TMEM135: variants seen among roughly 807,000 people sequenced by gnomAD.
The protein encoded by TMEM135 is transmembrane protein 135, also known as peroxisomal membrane protein 52.
TMEM135 carries 30 observed loss-of-function variants against 60.3 expected under a neutral mutation model. That is an observed-to-expected ratio of 0.50 (90% confidence interval 0.37 to 0.68). TMEM135 has a LOEUF of 0.68. Ranked by LOEUF, TMEM135 falls within the 30% of genes least tolerant of loss-of-function variation. The probability of loss-of-function intolerance (pLI) is 0.00; values close to 1 mark genes in which losing one functional copy is unlikely to be tolerated. For synonymous variants in TMEM135, 190 were observed against 186.7 expected (o/e 1.02, Z -0.14); for missense variants, 468 against 548.8 (o/e 0.85, Z 1.47).
intron 3 of TMEM135, among the ~76,000 whole-genome samples, chr11:87,088,329 C>T (rs1001784102): frequency 1.3e-5 from 2 of 152,148 alleles, no homozygotes; most frequent in Admixed American, 6.5e-5. Context: ...CCAGTCTCTC[C>T]AGTTGTGTCT....
At chr11:87,177,072 T>C (rs1487196158) in intron 5 of TMEM135, among the ~76,000 whole-genome samples, 1 of 152,164 alleles carries the variant, frequency 6.6e-6, no homozygotes, top group African/African-American at 2.4e-5. Context: ...GAACATTTAA[T>C]AGGCAGAATC....
intron 5 of TMEM135, among the ~76,000 whole-genome samples, chr11:87,158,282 T>C (rs1748889881): frequency 6.6e-6 from 1 of 152,104 alleles, no homozygotes; most frequent in South Asian, 2.1e-4. Context: ...ATATTTATAA[T>C]TCAGAAACCT....
chr11:87,324,130 G>C lies in TMEM135; in HGVS notation c.*2797G>C, dbSNP rs1033803152. On this transcript the variant is annotated 3_prime_UTR_variant, in exon 15 of 15. Coordinates refer to ENST00000305494, the MANE Select transcript of TMEM135 (RefSeq NM_022918.4). ...TCGAGTGTTCGTCTCCTTGTAGATT[G>C]TATCTAGGCTAACATTTCATTTAGT... 14 of 453,920 alleles carry C rather than the reference G, an allele frequency of 3.1e-5. No individual in the cohort carries two copies. The highest frequency in any genetic ancestry group is 5.7e-5 in the Non-Finnish European group (13 of 226,770). 28.1% of individuals were successfully genotyped at this position (453,920 alleles called of 1,614,324 possible).
At chr11:87,226,548 C>T (rs1257243582) in intron 5 of TMEM135, among the ~76,000 whole-genome samples, 1 of 152,096 alleles carries the variant, frequency 6.6e-6, no homozygotes, top group Non-Finnish European at 1.5e-5. Flanking sequence ...ATATTACTTA[C>T]TGAGTATTGA....
chr11:87,292,073 T>C (rs1942275626), intron 6 of TMEM135, among the ~76,000 whole-genome samples: 1 of 152,198 alleles, frequency 6.6e-6, no homozygotes, highest in South Asian at 2.1e-4. Context: ...TCATGGGCTG[T>C]ATACTTGATT....
At chr11:87,249,048 A>G (rs1941357471) in intron 6 of TMEM135, among the ~76,000 whole-genome samples, 3 of 152,304 alleles carry the variant, frequency 2.0e-5, no homozygotes, top group South Asian at 2.1e-4. Flanking sequence ...AAAGAAGGAT[A>G]ATTTAACTTC....
chr11:87,239,908 T>C (rs889316317), intron 6 of TMEM135, among the ~76,000 whole-genome samples: 1 of 152,150 alleles, frequency 6.6e-6, no homozygotes, highest in Non-Finnish European at 1.5e-5. Flanking sequence ...TGAAATAACT[T>C]CCTTTTACAT....
Position 87,096,033 on chromosome 11 carries a change from C to T in TMEM135, c.396+4638C>T, listed in dbSNP as rs552028748. Reference sequence around the variant, plus strand: ...AATTTGGGATACTTTCTTGTGTCTGCCAACTGTTGAGTCTCCATATTGCCT... The same window carrying T: ...AATTTGGGATACTTTCTTGTGTCTGTCAACTGTTGAGTCTCCATATTGCCT... On this transcript the variant is annotated intron_variant, in intron 4 of 14. Transcript: ENST00000305494. 2.3e-4 allele frequency: 51 copies of T among 218,680 alleles called. 1 individual carries two copies. The South Asian group carries it at 3.9e-3, about 17-fold the overall frequency. The allele number at this position is 218,680 out of a possible 1,614,324, so 13.5% of individuals were successfully genotyped here.
intron 3 of TMEM135, among the ~76,000 whole-genome samples, chr11:87,090,502 A>C (rs1445180499): frequency 2.0e-5 from 3 of 152,126 alleles, no homozygotes; most frequent in Admixed American, 1.3e-4. Flanking sequence ...AAGTGATTTG[A>C]CATTGGTACT....
intron 5 of TMEM135, among the ~76,000 whole-genome samples, chr11:87,181,954 C>CT (rs537991762): frequency 0.023 from 3,108 of 137,954 alleles, 87 homozygotes; most frequent in East Asian, 0.077. Flanking sequence ...ATGAGGGTGG[C>CT]TTTTTTTTTT....
At chr11:87,255,424 A>G (rs10792930) in intron 6 of TMEM135, among the ~76,000 whole-genome samples, 50,641 of 152,138 alleles carry the variant, frequency 0.33, 9,862 homozygotes, top group Non-Finnish European at 0.44. Context: ...TTCATTATTT[A>G]TATCTTTCTG....
At chr11:87,187,686 A>G (rs1939687168) in intron 5 of TMEM135, among the ~76,000 whole-genome samples, 1 of 152,214 alleles carries the variant, frequency 6.6e-6, no homozygotes, top group Admixed American at 6.5e-5. Context: ...TACTTTGACT[A>G]TTGATAATCT....
At chr11:87,168,097 A>G (rs1222060781) in intron 5 of TMEM135, among the ~76,000 whole-genome samples, 8 of 152,172 alleles carry the variant, frequency 5.3e-5, no homozygotes, top group Admixed American at 3.9e-4. Context: ...TTATTTGCAT[A>G]GAGGTGTTTC....
intron 6 of TMEM135, 125 bp from the exon 7 acceptor site, chr11:87,295,653 CCATT>C: frequency 1.5e-6 from 1 of 684,416 alleles, no homozygotes; most frequent in Non-Finnish European, 2.5e-6. Flanking sequence ...GCTCTTTTGA[CCATT>C]CATAATGTTC....
chr11:87,076,022 G>C (rs897536966), intron 3 of TMEM135, among the ~76,000 whole-genome samples: 3 of 152,164 alleles, frequency 2.0e-5, no homozygotes, highest in Non-Finnish European at 2.9e-5. Flanking sequence ...CTTGCCCAAG[G>C]CTTGCTGTAA....
rs1264264370 is a variant in TMEM135 at position 87,266,066 on chromosome 11, G to C, written c.509+29382G>C. ...TGAAAAAGGAAATATTTATTTTGAG[G>C]ATAAGCCAATTTATATATTATTGGA... On this transcript the variant is annotated intron_variant, in intron 6 of 14. Transcript: ENST00000305494. Among the ~76,000 whole-genome samples the C allele has an allele frequency of 2.0e-5, 3 of 152,096 alleles. No individual in the cohort carries two copies. In the East Asian group the frequency reaches 5.8e-4, roughly 29 times the overall value.
intron 6 of TMEM135, among the ~76,000 whole-genome samples, chr11:87,270,259 G>A (rs1300775369): frequency 2.0e-5 from 3 of 151,300 alleles, no homozygotes; most frequent in Non-Finnish European, 3.0e-5. Flanking sequence ...TTTGTCAGAT[G>A]AGTAGGTTGC....
chr11:87,093,538 T>G (rs1348490758), intron 4 of TMEM135, among the ~76,000 whole-genome samples: 3 of 151,258 alleles, frequency 2.0e-5, no homozygotes, highest in African/African-American at 7.3e-5. Context: ...TATTTATTAT[T>G]ATTATTTTTT....
intron 1 of TMEM135, among the ~76,000 whole-genome samples, chr11:87,043,087 C>T (rs1315354437): frequency 1.6e-4 from 24 of 151,442 alleles, no homozygotes; most frequent in East Asian, 2.0e-4. Context: ...TCCCGAGTAG[C>T]TGGGATTACA....
Sources: gnomAD v4.1 joint callset for allele counts (sites outside exome capture counted in the v4.1 genomes callset) on GRCh38, gnomAD v4.1.1 for gene constraint, MANE v1.5 for transcripts, NCBI Gene and HGNC (gene_info 2026-07-23, HGNC 2026-07-21) for gene names.